Variants in GPC5 observed in about 807,000 individuals in gnomAD.
GPC5 encodes the protein glypican-5.
In GPC5, 47 loss-of-function variants were observed where a neutral mutation model predicts 53.9. That is an observed-to-expected ratio of 0.87 (90% confidence interval 0.69 to 1.11). GPC5 has a LOEUF of 1.11. GPC5 is among the 50% of genes most tolerant of loss of function. The probability of loss-of-function intolerance (pLI) is 0.00; values close to 1 mark genes in which losing one functional copy is unlikely to be tolerated. For missense variants in GPC5, 748 were observed against 713.1 expected (o/e 1.05, Z -0.56); for synonymous variants, 286 against 263.3 (o/e 1.09, Z -0.84).
At chr13:91,585,042 G>C (rs1203364335) in intron 2 of GPC5, among the ~76,000 whole-genome samples, 3 of 152,274 alleles carry the variant, frequency 2.0e-5, no homozygotes, top group East Asian at 1.9e-4. Context: ...GCAAGTTCTT[G>C]AACAGGCATT....
At chr13:91,626,504 T>C (rs1594349417) in intron 2 of GPC5, among the ~76,000 whole-genome samples, 1 of 152,120 alleles carries the variant, frequency 6.6e-6, no homozygotes, top group African/African-American at 2.4e-5. Context: ...AAGAACTCTC[T>C]ATGCACGCAG....
intron 6 of GPC5, among the ~76,000 whole-genome samples, chr13:92,067,814 T>TAA (rs1427415399): frequency 8.6e-5 from 13 of 152,012 alleles, no homozygotes; most frequent in African/African-American, 3.1e-4. Flanking sequence ...TGTGAACATA[T>TAA]ATTCATAACC....
At chr13:92,675,081 A>C (rs1213712876) in intron 7 of GPC5, among the ~76,000 whole-genome samples, 1 of 152,100 alleles carries the variant, frequency 6.6e-6, no homozygotes, top group African/African-American at 2.4e-5. Context: ...ATACTTCTTT[A>C]CTTTTGATAC....
At chr13:92,705,543 C>A (rs1199063124) in intron 7 of GPC5, among the ~76,000 whole-genome samples, 1 of 151,996 alleles carries the variant, frequency 6.6e-6, no homozygotes, top group Non-Finnish European at 1.5e-5. Context: ...AAAATCTCAT[C>A]AATAATTTCT....
intron 5 of GPC5, among the ~76,000 whole-genome samples, chr13:91,848,031 A>G (rs2038871724): frequency 6.6e-6 from 1 of 152,162 alleles, no homozygotes; most frequent in African/African-American, 2.4e-5. Context: ...ATGTCATGTA[A>G]TTTTCTGTTC....
chr13:92,293,180 AT>A (rs575381806), intron 7 of GPC5, among the ~76,000 whole-genome samples: 2 of 149,202 alleles, frequency 1.3e-5, no homozygotes, highest in Middle Eastern at 3.4e-3. Flanking sequence ...GAATTTTAGA[AT>A]TTTTTTTTCT....
At chr13:91,677,896 T>C (rs1323227782) in intron 2 of GPC5, among the ~76,000 whole-genome samples, 1 of 152,190 alleles carries the variant, frequency 6.6e-6, no homozygotes, top group Non-Finnish European at 1.5e-5. Context: ...TCTTTCTGCT[T>C]TTGACTATGT....
intron 2 of GPC5, among the ~76,000 whole-genome samples, chr13:91,540,808 A>T (rs971996588): frequency 6.6e-6 from 1 of 152,168 alleles, no homozygotes; most frequent in African/African-American, 2.4e-5. Context: ...TACAGGAAAG[A>T]AATATGTGGC....
intron 3 of GPC5, among the ~76,000 whole-genome samples, chr13:91,726,581 A>G (rs1426388510): frequency 6.6e-6 from 1 of 152,070 alleles, no homozygotes; most frequent in Admixed American, 6.5e-5. Context: ...AATTTTGTCA[A>G]TTGTCCATGT....
chr13:91,829,454 A>C (rs767473212), intron 5 of GPC5, among the ~76,000 whole-genome samples: 69 of 152,170 alleles, frequency 4.5e-4, no homozygotes, highest in African/African-American at 1.6e-3. Flanking sequence ...GTTAGTATTA[A>C]ATTTTTTGAT....
At chr13:91,914,862 C>A (rs2039643799) in intron 6 of GPC5, among the ~76,000 whole-genome samples, 1 of 152,118 alleles carries the variant, frequency 6.6e-6, no homozygotes, top group Admixed American at 6.5e-5. Context: ...ATCATTAAAT[C>A]ACTTGCTATA....
At chr13:92,256,848 A>G (rs1352432679) in intron 7 of GPC5, among the ~76,000 whole-genome samples, 1 of 151,812 alleles carries the variant, frequency 6.6e-6, no homozygotes, top group Admixed American at 6.6e-5. Context: ...TTTCTTTTGT[A>G]TTATTACTAA....
chr13:92,322,177 A>G (rs1668673008), intron 7 of GPC5, among the ~76,000 whole-genome samples: 1 of 152,116 alleles, frequency 6.6e-6, no homozygotes, highest in South Asian at 2.1e-4. Context: ...AAGGTTAAAT[A>G]ACTTGTACAG....
intron 7 of GPC5, among the ~76,000 whole-genome samples, chr13:92,706,257 T>C (rs1887949422): frequency 6.6e-6 from 1 of 152,184 alleles, no homozygotes; most frequent in Non-Finnish European, 1.5e-5. Context: ...TAATCAGTTA[T>C]GCATAATCCA....
chr13:92,621,679 G>A (rs201125116), intron 7 of GPC5, among the ~76,000 whole-genome samples: 1 of 152,132 alleles, frequency 6.6e-6, no homozygotes, highest in Admixed American at 6.5e-5. Context: ...AATTAGTTGG[G>A]TGTGGTGGCG....
chr13:92,001,584 A>C (rs1161336497), intron 6 of GPC5, among the ~76,000 whole-genome samples: 1 of 152,202 alleles, frequency 6.6e-6, no homozygotes. Flanking sequence ...ATCAATTTAC[A>C]CTAATTTTTA....
At chr13:91,910,521 C>T (rs1396108207) in intron 6 of GPC5, among the ~76,000 whole-genome samples, 1 of 152,026 alleles carries the variant, frequency 6.6e-6, no homozygotes, top group Non-Finnish European at 1.5e-5. Flanking sequence ...ATGAAAAATG[C>T]CATCTCTCAC....
chr13:92,657,547 T>TCAGA (rs1328025954), intron 7 of GPC5, among the ~76,000 whole-genome samples: 2 of 150,002 alleles, frequency 1.3e-5, no homozygotes, highest in African/African-American at 4.9e-5. Flanking sequence ...AGAGTGTTAG[T>TCAGA]CAGAACTACT....
At chr13:92,750,089 GC>G (rs1482987441) in intron 7 of GPC5, among the ~76,000 whole-genome samples, 1 of 152,090 alleles carries the variant, frequency 6.6e-6, no homozygotes, top group Non-Finnish European at 1.5e-5. Flanking sequence ...TCCTAATGGA[GC>G]ATTTGAATAA....
Sources: allele counts gnomAD v4.1 joint callset (sites outside exome capture counted in the v4.1 genomes callset), GRCh38; gene constraint gnomAD v4.1.1; transcripts MANE v1.5; gene names NCBI Gene and HGNC (gene_info 2026-07-23, HGNC 2026-07-21).